The following ACSM5 variants were observed in gnomAD, a reference collection of about 807,000 sequenced individuals.
ACSM5 encodes acyl-CoA synthetase medium chain family member 5.
A neutral mutation model predicts 71.6 loss-of-function variants in ACSM5; 56 were observed. The ratio of observed to expected loss-of-function variants is 0.78; its 90% CI spans 0.63 to 0.98. The LOEUF is 0.98. Ranked by LOEUF, ACSM5 falls within the 50% of genes least tolerant of loss-of-function variation. ACSM5 has a pLI of 0.00. For missense variants in ACSM5, 723 were observed against 726.0 expected (o/e 1.00, Z 0.05); for synonymous variants, 285 against 281.5 (o/e 1.01, Z -0.12).
intron 2 of ACSM5, 79 bp from the exon 3 acceptor site, chr16:20,417,980 T>TA: frequency 7.4e-7 from 1 of 1,351,244 alleles, no homozygotes; most frequent in Non-Finnish European, 1.0e-6. Context: ...TTAACTATTA[T>TA]AAAACATTAA....
At position 20,418,249 on chromosome 16, in the gene ACSM5, G is replaced by A. The variant is rs1966862252; in HGVS notation, c.395G>A (p.Ser132Asn). 1 of 1,611,702 alleles carries A rather than the reference G, an allele frequency of 6.2e-7. No homozygotes were observed. The highest frequency in any genetic ancestry group is 1.3e-5 in the African/African-American group (1 of 74,866). The change falls in exon 3 of 14, where the codon AGT (serine) becomes AAT (asparagine). Residue 132 changes from serine to asparagine, a missense_variant. By Grantham distance (46) the Ser-to-Asn change is conservative. Transcript: ENST00000331849. ...LPRLPEWWLV[S>N]VACMRTGTVM... ...CGGCTCCCGGAGTGGTGGCTGGTCA[G>A]TGTGGCTTGCATGCGGACAGGTCAG...
chr16:20,430,533 G>T (rs576337647), intron 8 of ACSM5, among the ~76,000 whole-genome samples: 2 of 150,844 alleles, frequency 1.3e-5, no homozygotes, highest in African/African-American at 4.9e-5. Flanking sequence ...AGGCAAGAAA[G>T]AGGGAAGAAA....
intron 11 of ACSM5, 33 bp from the exon 12 acceptor site, chr16:20,437,235 G>T (rs769493975): frequency 6.2e-7 from 1 of 1,614,150 alleles, no homozygotes; most frequent in Non-Finnish European, 8.5e-7. Context: ...GTTGAGGGAA[G>T]CCCACTTGGA....
intron 2 of ACSM5, among the ~76,000 whole-genome samples, chr16:20,414,704 G>T (rs1401315288): frequency 6.6e-6 from 1 of 152,184 alleles, no homozygotes; most frequent in East Asian, 1.9e-4. Context: ...GGATGTGAAA[G>T]TAGGTTTGGA....
At chr16:20,421,926 T>C (rs1966889096) in intron 5 of ACSM5, among the ~76,000 whole-genome samples, 1 of 151,762 alleles carries the variant, frequency 6.6e-6, no homozygotes, top group Non-Finnish European at 1.5e-5. Context: ...TTTGATACTC[T>C]AGGTATTTCG....
rs143897478 is a variant in ACSM5 at position 20,437,089 on chromosome 16, A to G, written c.1346A>G (p.Asp449Gly). ...PEKTAASEQGDFYITGDRARM... is the reference protein window; with the variant it reads ...PEKTAASEQGGFYITGDRARM... ...AAGACAGCTGCATCAGAACAAGGGGACTTTTACATCACAGGGGACCGAGCT... is the reference window on the plus strand; with the variant it reads ...AAGACAGCTGCATCAGAACAAGGGGGCTTTTACATCACAGGGGACCGAGCT... Residue 449 changes from aspartate to glycine, a missense_variant, in exon 11 of 14, where the codon GAC becomes GGC. By Grantham distance (94) the Asp-to-Gly change is moderately conservative. Transcript: ENST00000331849. 1,580 of 1,611,332 alleles carry G rather than the reference A, an allele frequency of 9.8e-4. 7 individuals carry two copies. The East Asian group carries it at 0.016, about 16-fold the overall frequency.
intron 6 of ACSM5, among the ~76,000 whole-genome samples, chr16:20,427,335 T>G (rs1255491514): frequency 6.6e-6 from 1 of 152,100 alleles, no homozygotes; most frequent in African/African-American, 2.4e-5. Flanking sequence ...AAAACCTCAC[T>G]GGTGGTTTTT....
chr16:20,432,383 G>A (rs1036248120), intron 10 of ACSM5, among the ~76,000 whole-genome samples: 10 of 152,196 alleles, frequency 6.6e-5, no homozygotes, highest in African/African-American at 2.4e-4. Context: ...ATTAGAAGGA[G>A]CAGAAATAAA....
chr16:20,415,703 G>A (rs1368113202), intron 2 of ACSM5, among the ~76,000 whole-genome samples: 3 of 152,186 alleles, frequency 2.0e-5, no homozygotes, highest in Non-Finnish European at 2.9e-5. Flanking sequence ...GTGGAATTGG[G>A]AGCCCAGAGG....
intron 4 of ACSM5, 117 bp downstream of exon 4, chr16:20,419,552 C>T: frequency 2.0e-6 from 2 of 984,788 alleles, no homozygotes; most frequent in Middle Eastern, 3.1e-4. Context: ...GGAGCACTCC[C>T]ATTGGCAGCC....
chr16:20,435,281 C>T (rs1318668180), intron 10 of ACSM5, among the ~76,000 whole-genome samples: 1 of 152,216 alleles, frequency 6.6e-6, no homozygotes, highest in Non-Finnish European at 1.5e-5. Flanking sequence ...GATCCACCTG[C>T]CTTGGCCTCC....
chr16:20,413,487 C>T (rs1015946170), intron 2 of ACSM5, among the ~76,000 whole-genome samples: 7 of 152,290 alleles, frequency 4.6e-5, no homozygotes, highest in South Asian at 2.1e-4. Context: ...AAAGCCTTTT[C>T]CCTGGGGGTT....
In ACSM5 at chr16:20,419,344, G is replaced by A; in HGVS notation, c.532G>A (p.Ala178Thr). 6.2e-7 allele frequency: 1 copy of A among 1,614,192 alleles called. No homozygotes were observed. The highest frequency in any genetic ancestry group is 8.5e-7 in the Non-Finnish European group (1 of 1,180,024). Reference protein sequence around the residue: ...TSDSLAPRVDAISAECPSLQT... With the variant: ...TSDSLAPRVDTISAECPSLQT... ...TGACTCCCTAGCTCCAAGGGTGGAT[G>A]CCATCAGTGCCGAATGCCCCTCCCT... The change falls in exon 4 of 14, where the codon GCC becomes ACC. Residue 178 changes from alanine to threonine, a missense_variant. Ala to Thr is a moderately conservative substitution (Grantham distance 58). Coordinates refer to ENST00000331849, the MANE Select transcript of ACSM5 (RefSeq NM_017888.3).
At chr16:20,433,840 A>ATTTTTTT (rs61417020) in intron 10 of ACSM5, among the ~76,000 whole-genome samples, 93 of 137,198 alleles carry the variant, frequency 6.8e-4, no homozygotes, top group African/African-American at 2.3e-3. Flanking sequence ...CACCTGGCTA[A>ATTTTTTT]TTTTTTTTTT....
At chr16:20,421,223 G>T (rs142481473) in intron 4 of ACSM5, 35 bp from the exon 5 acceptor site, 3 of 1,531,670 alleles carry the variant, frequency 2.0e-6, no homozygotes, top group African/African-American at 2.8e-5. Flanking sequence ...TGTTTTTACC[G>T]TGGTAGTGCC....
intron 10 of ACSM5, 28 bp downstream of exon 10, chr16:20,431,349 T>C (rs1967097682): frequency 2.6e-6 from 4 of 1,547,828 alleles, no homozygotes; most frequent in Non-Finnish European, 2.7e-6. Flanking sequence ...GCCGTTCTCA[T>C]GACAGTGACT....
At chr16:20,431,556 T>G (rs951818369) in intron 10 of ACSM5, among the ~76,000 whole-genome samples, 2 of 152,038 alleles carry the variant, frequency 1.3e-5, no homozygotes, top group Non-Finnish European at 2.9e-5. Flanking sequence ...GACATGGGAT[T>G]TAAATGTGGG....
At chr16:20,420,364 G>A (rs1047397219) in intron 4 of ACSM5, among the ~76,000 whole-genome samples, 1 of 152,194 alleles carries the variant, frequency 6.6e-6, no homozygotes, top group African/African-American at 2.4e-5. Context: ...ACTTTTGGAG[G>A]CTGAGGCAGG....
intron 6 of ACSM5, 23 bp from the exon 7 acceptor site, chr16:20,427,765 T>G (rs776852613): frequency 6.3e-5 from 98 of 1,546,616 alleles, no homozygotes; most frequent in Non-Finnish European, 8.0e-5. Flanking sequence ...TAAGGACATC[T>G]TTCACCCTTT....
Sources: allele counts gnomAD v4.1 joint callset (sites outside exome capture counted in the v4.1 genomes callset), GRCh38; gene constraint gnomAD v4.1.1; transcripts MANE v1.5; gene names NCBI Gene and HGNC (gene_info 2026-07-23, HGNC 2026-07-21).